The following DAW1 variants were observed in gnomAD, a reference collection of about 807,000 sequenced individuals.
DAW1 encodes the protein dynein assembly factor with WD repeat domains 1.
In DAW1, 47 loss-of-function variants were observed where a neutral mutation model predicts 56.5. The observed-to-expected ratio is 0.83, with a 90% confidence interval of 0.66 to 1.06. The LOEUF is 1.06. DAW1 is among the 50% of genes least tolerant of loss of function. DAW1 has a pLI of 0.00. For synonymous variants in DAW1, 190 were observed against 179.0 expected (o/e 1.06, Z -0.49); for missense variants, 505 against 499.3 (o/e 1.01, Z -0.11).
chr2:227,910,672 T>G (rs1273517881), intron 10 of DAW1, among the ~76,000 whole-genome samples: 1 of 152,174 alleles, frequency 6.6e-6, no homozygotes, highest in Non-Finnish European at 1.5e-5. Flanking sequence ...GGCATCATAT[T>G]CATAATAACC....
chr2:227,909,501 A>G (rs574664638), intron 10 of DAW1, among the ~76,000 whole-genome samples: 1 of 151,674 alleles, frequency 6.6e-6, no homozygotes. Context: ...GTATACACAC[A>G]CACATATTTA....
At chr2:227,913,823 T>A (rs17251074) in intron 10 of DAW1, among the ~76,000 whole-genome samples, 1 of 151,756 alleles carries the variant, frequency 6.6e-6, no homozygotes, top group Non-Finnish European at 1.5e-5. Flanking sequence ...CTGATCATCA[T>A]GTATGACATT....
At chr2:227,898,462 G>A (rs946296954) in intron 6 of DAW1, among the ~76,000 whole-genome samples, 181 bp downstream of exon 6, 2 of 151,542 alleles carry the variant, frequency 1.3e-5, no homozygotes, top group Admixed American at 6.6e-5. Flanking sequence ...CTGGGACTAC[G>A]GGCGCCCGCC....
chr2:227,923,931 T>A lies in DAW1; in HGVS notation c.1214-3T>A. 1 of 1,613,980 alleles carries A rather than the reference T, an allele frequency of 6.2e-7. No homozygotes were observed. The highest frequency in any genetic ancestry group is 1.3e-5 in the African/African-American group (1 of 75,040). On this transcript the variant is annotated splice_polypyrimidine_tract_variant and splice_region_variant and intron_variant, in intron 12 of 12. Transcript: ENST00000309931. ...AATAACTGCATGAAATCTGTTTTATTAGGCAGCAAGGATAATACCTGTAGG... is the reference window on the plus strand; with the variant it reads ...AATAACTGCATGAAATCTGTTTTATAAGGCAGCAAGGATAATACCTGTAGG...
At chr2:227,916,417 C>T (rs1008797810) in intron 10 of DAW1, among the ~76,000 whole-genome samples, 4 of 152,042 alleles carry the variant, frequency 2.6e-5, no homozygotes, top group African/African-American at 9.7e-5. Context: ...GTTATGACTG[C>T]GTTGTCTCTT....
At chr2:227,887,090 C>T (rs554598935) in intron 2 of DAW1, among the ~76,000 whole-genome samples, 4 of 152,044 alleles carry the variant, frequency 2.6e-5, no homozygotes, top group Non-Finnish European at 5.9e-5. Flanking sequence ...TCTGGGAGCA[C>T]GTGTCTAGGG....
intron 1 of DAW1, among the ~76,000 whole-genome samples, chr2:227,872,899 T>C (rs963851686): frequency 1.3e-5 from 2 of 152,188 alleles, no homozygotes; most frequent in Non-Finnish European, 2.9e-5. Context: ...TTCCTGGTTT[T>C]CACCCTCATC....
chr2:227,887,415 T>C (rs1721358), intron 2 of DAW1, among the ~76,000 whole-genome samples: 133,686 of 152,218 alleles, frequency 0.88, 58,725 homozygotes, highest in Middle Eastern at 0.96. Flanking sequence ...TCAACACATA[T>C]GTAAGAATCT....
At chr2:227,873,755 C>T (rs1690809744) in intron 1 of DAW1, among the ~76,000 whole-genome samples, 2 of 152,072 alleles carry the variant, frequency 1.3e-5, no homozygotes, top group Admixed American at 6.5e-5. Flanking sequence ...TGCAGTGGTG[C>T]AATCCAACTC....
chr2:227,886,069 A>C (rs1628030), intron 2 of DAW1, among the ~76,000 whole-genome samples: 28,891 of 147,140 alleles, frequency 0.2, 2,952 homozygotes, highest in Middle Eastern at 0.29. Flanking sequence ...CCGCCTCCTG[A>C]GTTCAAGCGA....
At chr2:227,914,568 CAAG>C (rs1691907491) in intron 10 of DAW1, among the ~76,000 whole-genome samples, 1 of 152,002 alleles carries the variant, frequency 6.6e-6, no homozygotes, top group Non-Finnish European at 1.5e-5. Flanking sequence ...ACCTTATATC[CAAG>C]AAGATTACAT....
intron 7 of DAW1, 82 bp downstream of exon 7, chr2:227,903,191 G>A (rs1691589722): frequency 1.4e-6 from 2 of 1,438,228 alleles, no homozygotes; most frequent in Admixed American, 1.8e-5. Flanking sequence ...CTAAGTTGGA[G>A]GTTGTTGAGT....
chr2:227,918,037 T>C (rs1692004929), intron 10 of DAW1, among the ~76,000 whole-genome samples: 1 of 152,188 alleles, frequency 6.6e-6, no homozygotes, highest in Admixed American at 6.5e-5. Context: ...TTACTACTCA[T>C]GTTTTTCACT....
At chr2:227,880,857 G>A (rs1690994585) in intron 1 of DAW1, among the ~76,000 whole-genome samples, 1 of 152,188 alleles carries the variant, frequency 6.6e-6, no homozygotes, top group East Asian at 1.9e-4. Flanking sequence ...AGACATCTAT[G>A]TATCTGGAAC....
intron 1 of DAW1, among the ~76,000 whole-genome samples, chr2:227,880,976 A>C (rs1690997499): frequency 1.3e-5 from 2 of 152,258 alleles, no homozygotes; most frequent in Non-Finnish European, 2.9e-5. Flanking sequence ...AAGAATCTGT[A>C]GACCTGAAGT....
chr2:227,911,292 A>C (rs1691818767), intron 10 of DAW1, among the ~76,000 whole-genome samples: 1 of 141,848 alleles, frequency 7.0e-6, no homozygotes. Flanking sequence ...ATATATACAT[A>C]TATACACGTG....
Position 227,904,718 on chromosome 2 carries a change from T to C in DAW1, c.649-211T>C, listed in dbSNP as rs564253175. On this transcript the variant is annotated intron_variant, in intron 7 of 12. Transcript: ENST00000309931. ...GTAAACTCACAGTATTGTGCAGCCATTACCAAAACCTAGTTTTCAAACCTT... is the reference window on the plus strand; with the variant it reads ...GTAAACTCACAGTATTGTGCAGCCACTACCAAAACCTAGTTTTCAAACCTT... Among the ~76,000 whole-genome samples the C allele has an allele frequency of 6.6e-5, 10 of 152,258 alleles. No homozygotes were observed. In the East Asian group the frequency reaches 1.9e-3, roughly 29 times the overall value.
chr2:227,874,419 G>A (rs6738964), intron 1 of DAW1, among the ~76,000 whole-genome samples: 1 of 151,918 alleles, frequency 6.6e-6, no homozygotes, highest in East Asian at 1.9e-4. Context: ...GTTTTCACGC[G>A]GATTGCCCCA....
At position 227,883,131 on chromosome 2, in the gene DAW1, CA is replaced by C. The variant is rs145925557; in HGVS notation, c.41-2219del. 2.9e-3 allele frequency among the ~76,000 whole-genome samples: 448 copies of C among 152,248 alleles called. 2 individuals carry two copies. The highest frequency in any genetic ancestry group is 0.01 in the African/African-American group (421 of 41,538). On this transcript the variant is annotated intron_variant, in intron 1 of 12. Transcript: ENST00000309931. ...TGGTTTTCAGACTCAGACATTTTGG[CA>C]GACATTTTCTTGAAAATGAAGAATG... is the stretch of plus-strand genomic sequence containing the variant.
Sources: allele counts gnomAD v4.1 joint callset (sites outside exome capture counted in the v4.1 genomes callset), GRCh38; gene constraint gnomAD v4.1.1; transcripts MANE v1.5; gene names NCBI Gene and HGNC (gene_info 2026-07-23, HGNC 2026-07-21).